CMC2: variants seen among roughly 807,000 people sequenced by gnomAD.
CMC2 encodes the protein COX assembly mitochondrial protein 2 homolog.
CMC2 carries 5 observed loss-of-function variants against 7.5 expected under a neutral mutation model. The observed-to-expected ratio is 0.66, with a 90% CI of 0.35 to 1.40. CMC2 has a LOEUF of 1.40. Among genes scored for constraint, CMC2 ranks in the 40% most tolerant of loss-of-function variants. The pLI is 0.04. For missense variants in CMC2, 115 were observed against 92.3 expected, an observed-to-expected ratio of 1.25 and a Z score of -1.01; for synonymous variants, 37 against 31.4, an observed-to-expected ratio of 1.18 and a Z score of -0.60.
intron 2 of CMC2, among the ~76,000 whole-genome samples, chr16:80,996,235 T>C (rs561955270): frequency 6.6e-6 from 1 of 152,302 alleles, no homozygotes; most frequent in African/African-American, 2.4e-5. Flanking sequence ...ACTGGCAAAA[T>C]CCTCAATAAC....
At chr16:80,979,399 T>C (rs1238221095) in intron 3 of CMC2, among the ~76,000 whole-genome samples, 1 of 151,966 alleles carries the variant, frequency 6.6e-6, no homozygotes, top group African/African-American at 2.4e-5. Context: ...AAAAAGTCAC[T>C]AACAGATCTC....
At chr16:81,000,646 G>A (rs573669576) in intron 1 of CMC2, among the ~76,000 whole-genome samples, 1 of 152,272 alleles carries the variant, frequency 6.6e-6, no homozygotes, top group African/African-American at 2.4e-5. Flanking sequence ...ACCACAATGA[G>A]ATATCACCTC....
intron 1 of CMC2, among the ~76,000 whole-genome samples, chr16:81,000,806 A>G (rs546736570): frequency 1.3e-4 from 20 of 152,260 alleles, no homozygotes; most frequent in Non-Finnish European, 2.8e-4. Flanking sequence ...CAAAGAGCTT[A>G]AAACAGCTAC....
Position 80,972,773 on chromosome 16 carries a change from T to C in CMC2, c.*3320A>G, listed in dbSNP as rs1466058383. On this transcript the variant is annotated 3_prime_UTR_variant, in exon 4 of 4. Coordinates refer to ENST00000219400, the MANE Select transcript of CMC2 (RefSeq NM_020188.5). ...AAATCTCTTCCTTCACTTGGTATCCTGCACAGACCCTACAATGCCTTCCTG... is the reference window on the plus strand; with the variant it reads ...AAATCTCTTCCTTCACTTGGTATCCCGCACAGACCCTACAATGCCTTCCTG... The C allele has an allele frequency of 6.6e-6, 1 of 152,236 alleles. No individual in the cohort carries two copies. The highest frequency in any genetic ancestry group is 1.5e-5 in the Non-Finnish European group (1 of 68,058). The allele number at this position is 152,236 out of a possible 1,614,324, so 9.4% of individuals were successfully genotyped here.
At position 80,975,138 on chromosome 16, in the gene CMC2, G is replaced by A. The variant is rs1912186104; in HGVS notation, c.*955C>T. The A allele has an allele frequency of 6.6e-6, 1 of 152,282 alleles. No individual in the cohort carries two copies. Among genetic ancestry groups the A allele is most frequent in the Admixed American group, 6.5e-5 (1 of 15,280 alleles). 9.4% of individuals were successfully genotyped at this position (152,282 alleles called of 1,614,324 possible). On this transcript the variant is annotated 3_prime_UTR_variant, in exon 4 of 4. Coordinates refer to ENST00000219400, the MANE Select transcript of CMC2 (RefSeq NM_020188.5). The stretch of plus-strand genomic sequence containing the variant: ...CAGAAGGAACACTGGTGAAATGACT[G>A]CTAGAATTGGGCACGGGAAGAACAG...
intron 2 of CMC2, among the ~76,000 whole-genome samples, chr16:80,993,402 G>A (rs559229409): frequency 1.3e-3 from 194 of 152,250 alleles, no homozygotes; most frequent in African/African-American, 4.5e-3. Flanking sequence ...AGAGGAATTC[G>A]GGCAGGCTGG....
At chr16:81,004,918 C>T (rs1230548764) in intron 1 of CMC2, among the ~76,000 whole-genome samples, 4 of 152,222 alleles carry the variant, frequency 2.6e-5, no homozygotes, top group Non-Finnish European at 5.9e-5. Flanking sequence ...TTCAGCAAAT[C>T]TATAATCACA....
chr16:80,981,144 A>T (rs531103500), intron 3 of CMC2, among the ~76,000 whole-genome samples: 3 of 152,018 alleles, frequency 2.0e-5, no homozygotes, highest in African/African-American at 7.2e-5. Context: ...TAGCCATCAT[A>T]TATTTTTAAA....
intron 2 of CMC2, among the ~76,000 whole-genome samples, chr16:80,991,271 T>C (rs2081215): frequency 0.057 from 8,727 of 152,182 alleles, 364 homozygotes; most frequent in East Asian, 0.19. Context: ...TCCCAGTCCT[T>C]ACGTGTAGGC....
intron 1 of CMC2, among the ~76,000 whole-genome samples, chr16:81,005,549 C>T (rs939732790): frequency 4.6e-5 from 7 of 152,226 alleles, no homozygotes; most frequent in Non-Finnish European, 8.8e-5. Context: ...GTCGCAGACA[C>T]GGTCGGGGAC....
chr16:80,994,975 G>C (rs181340695), intron 2 of CMC2, among the ~76,000 whole-genome samples: 140 of 152,002 alleles, frequency 9.2e-4, no homozygotes, highest in Non-Finnish European at 8.5e-4. Context: ...ATGAAACCCC[G>C]TCTCTACTAA....
chr16:80,976,565 C>T (rs192660678), intron 3 of CMC2, among the ~76,000 whole-genome samples: 24 of 152,248 alleles, frequency 1.6e-4, no homozygotes, highest in African/African-American at 5.8e-4. Flanking sequence ...CTGCTGAGTA[C>T]CTCTAGTGGA....
chr16:80,992,929 C>T (rs1046407024), intron 2 of CMC2, among the ~76,000 whole-genome samples: 8 of 152,052 alleles, frequency 5.3e-5, no homozygotes, highest in Non-Finnish European at 1.0e-4. Flanking sequence ...AGGCCTCAAA[C>T]GATCCTTTAT....
At chr16:80,999,349 T>C (rs1262644355) in intron 1 of CMC2, among the ~76,000 whole-genome samples, 1 of 151,956 alleles carries the variant, frequency 6.6e-6, no homozygotes, top group Non-Finnish European at 1.5e-5. Context: ...CAGGAATACA[T>C]CCAACCAAGG....
chr16:80,986,149 G>A (rs1287242110), intron 2 of CMC2, among the ~76,000 whole-genome samples: 1 of 152,074 alleles, frequency 6.6e-6, no homozygotes, highest in Admixed American at 6.6e-5. Context: ...GGAGTTTGAG[G>A]CCAGCCTGGG....
rs1203948154 is a variant in CMC2, at chr16:80,969,153, T to C, written c.*6940A>G. 4 of 152,192 alleles carry C rather than the reference T, an allele frequency of 2.6e-5. No individual in the cohort carries two copies. Among genetic ancestry groups the C allele is most frequent in the African/African-American group, 9.7e-5 (4 of 41,434 alleles). 9.4% of individuals were successfully genotyped at this position (152,192 alleles called of 1,614,324 possible). Reference sequence around the variant, plus strand: ...ACTGTGGAAGCAACTATCTTTTTTATGATATAAAAAGGGCAGGAGGAGAGA... The same window carrying C: ...ACTGTGGAAGCAACTATCTTTTTTACGATATAAAAAGGGCAGGAGGAGAGA... On this transcript the variant is annotated 3_prime_UTR_variant, in exon 4 of 4. Coordinates refer to ENST00000219400, the MANE Select transcript of CMC2 (RefSeq NM_020188.5).
chr16:81,006,788 CG>C lies in CMC2; in HGVS notation c.-91del, dbSNP rs1372493343. 12 of 985,542 alleles carry C rather than the reference CG, an allele frequency of 1.2e-5. No individual in the cohort carries two copies. The highest frequency in any genetic ancestry group is 1.4e-5 in the Non-Finnish European group (12 of 830,138). 61.0% of individuals were successfully genotyped at this position (985,542 alleles called of 1,614,324 possible). On this transcript the variant is annotated 5_prime_UTR_variant, in exon 1 of 4. Coordinates refer to ENST00000219400, the MANE Select transcript of CMC2 (RefSeq NM_020188.5). ...AGCGGCAGTAGCCGGCGGAGACGCC[CG>C]ACCCGAAGGCCGGCTGCTAGGGAGC... is the stretch of plus-strand genomic sequence containing the variant.
rs1220814399 is a variant in CMC2 at position 80,972,281 on chromosome 16, G to A, written c.*3812C>T. 6.6e-6 allele frequency: 1 copy of A among 152,212 alleles called. No homozygotes were observed. The highest frequency in any genetic ancestry group is 1.5e-5 in the Non-Finnish European group (1 of 68,040). 9.4% of individuals were successfully genotyped at this position (152,212 alleles called of 1,614,324 possible). A position where few individuals can be genotyped will look rare whatever the true frequency, so the allele number is the denominator to read the frequency against. On this transcript the variant is annotated 3_prime_UTR_variant, in exon 4 of 4. Coordinates refer to ENST00000219400, the MANE Select transcript of CMC2 (RefSeq NM_020188.5). ...GTTCCCTGAATATGATATCATTTAAGGGGCACAAATTTCAATATCAGGGTT... is the reference window on the plus strand; with the variant it reads ...GTTCCCTGAATATGATATCATTTAAAGGGCACAAATTTCAATATCAGGGTT...
At chr16:80,980,934 C>T (rs932585422) in intron 3 of CMC2, 1 of 632,236 alleles carries the variant, frequency 1.6e-6, no homozygotes, top group Non-Finnish European at 2.9e-6. Context: ...TCACTGAGTA[C>T]TCCAAAAAGT....
Sources: gnomAD v4.1 joint callset for allele counts (sites outside exome capture counted in the v4.1 genomes callset) on GRCh38, gnomAD v4.1.1 for gene constraint, MANE v1.5 for transcripts, NCBI Gene and HGNC (gene_info 2026-07-23, HGNC 2026-07-21) for gene names.